Variants in IRF2BP2 observed in about 807,000 individuals in gnomAD.
The protein encoded by IRF2BP2 is interferon regulatory factor 2 binding protein 2, also known as interferon regulatory factor 2-binding protein 2.
Under a neutral mutation model 32.7 loss-of-function variants are expected in IRF2BP2, and 13 were observed. That is an observed-to-expected ratio of 0.40 (90% CI 0.26 to 0.63). The LOEUF (loss-of-function observed/expected upper bound fraction) is 0.63, where lower values mean the gene tolerates loss of function less well. Ranked by LOEUF, IRF2BP2 falls within the 30% of genes least tolerant of loss-of-function variation. IRF2BP2 has a pLI of 0.42. For synonymous variants in IRF2BP2, 555 were observed against 384.6 expected, an observed-to-expected ratio of 1.44 and a Z score of -5.18; for missense variants, 980 against 830.6, an observed-to-expected ratio of 1.18 and a Z score of -2.21.
At position 234,609,544 on chromosome 1, in the gene IRF2BP2, G is replaced by A. The variant is rs1280564157; in HGVS notation, c.-50C>T. The A allele has an allele frequency of 4.2e-6, 5 of 1,184,996 alleles. No homozygotes were observed. The East Asian group carries it at 9.7e-5, about 23-fold the overall frequency. 73.4% of individuals were successfully genotyped at this position (1,184,996 alleles called of 1,614,324 possible). On this transcript the variant is annotated 5_prime_UTR_variant, in exon 1 of 2. Transcript: ENST00000366609. ...GGAGGAGGCGGAGGAGGAGGAGGGG[G>A]CGCCGCCGCCGCCCCCCACCGGCAC... is the stretch of plus-strand genomic sequence containing the variant.
At position 234,609,521 on chromosome 1, in the gene IRF2BP2, A is replaced by AGGAGGC; in HGVS notation, c.-33_-28dup. On this transcript the variant is annotated 5_prime_UTR_variant, in exon 1 of 2. Transcript: ENST00000366609. ...TCCGAGGAGCCCGCGACGCCGGAGGAGGAGGCGGAGGAGGAGGAGGGGGCG... is the reference window on the plus strand; with the variant it reads ...TCCGAGGAGCCCGCGACGCCGGAGGAGGAGGCGGAGGCGGAGGAGGAGGAGGGGGCG... 7.2e-7 allele frequency: 1 copy of AGGAGGC among 1,381,850 alleles called. No individual in the cohort carries two copies. The highest frequency in any genetic ancestry group is 2.7e-5 in the Admixed American group (1 of 36,916). 85.6% of individuals were successfully genotyped at this position (1,381,850 alleles called of 1,614,324 possible).
At position 234,607,441 on chromosome 1, in the gene IRF2BP2, G is replaced by T; in HGVS notation, c.1460C>A (p.Pro487Gln). ...GTCCGGGAGGCTGGCAGGGTGCACT[G>T]GCTCCAGTCCTCCTGTGTTGCCTGC... ...QGAGNTGGLEPVHPASLPDSS... is the reference protein window; with the variant it reads ...QGAGNTGGLEQVHPASLPDSS... Residue 487 changes from proline to glutamine, a missense_variant, in exon 2 of 2, where the codon CCA becomes CAA. Physicochemically the swap from Pro to Gln is moderately conservative, Grantham distance 76. Coordinates refer to ENST00000366609, the MANE Select transcript of IRF2BP2 (RefSeq NM_182972.3). 1 of 1,614,106 alleles carries T rather than the reference G, an allele frequency of 6.2e-7. No homozygotes were observed.
Position 234,608,673 on chromosome 1 carries a change from G to T in IRF2BP2, c.822C>A (p.Ser274=), listed in dbSNP as rs905049425. 1 of 1,520,834 alleles carries T rather than the reference G, an allele frequency of 6.6e-7. No individual in the cohort carries two copies. The highest frequency in any genetic ancestry group is 8.7e-7 in the Non-Finnish European group (1 of 1,144,750). The allele number at this position is 1,520,834 out of a possible 1,614,324, so 94.2% of individuals were successfully genotyped here. ...PAHRGPADSL[S]TAAGAAELSA... ...TCAGCTCGGCGGCCCCGGCCGCGGTGGACAGGCTGTCGGCCGGGCCCCGGT... is the reference window on the plus strand; with the variant it reads ...TCAGCTCGGCGGCCCCGGCCGCGGTTGACAGGCTGTCGGCCGGGCCCCGGT... Residue 274 remains serine, a synonymous_variant, in exon 1 of 2, where the codon TCC becomes TCA. Transcript: ENST00000366609.
rs752845738 is a variant in IRF2BP2 at position 234,608,469 on chromosome 1, G to C, written c.1026C>G (p.Asn342Lys). 6.3e-7 allele frequency: 1 copy of C among 1,591,316 alleles called. No homozygotes were observed. Among genetic ancestry groups the C allele is most frequent in the South Asian group, 1.1e-5 (1 of 88,016 alleles). ...TACCTGCTTTAGACCCGTTGGCCCC[G>C]TTGGCCTCGAAACCCAACAACCTGC... Reference protein sequence around the residue: ...TAGRLLGFEANGANGSKAVAR... With the variant: ...TAGRLLGFEAKGANGSKAVAR... The change falls in exon 1 of 2, where the codon AAC becomes AAG. Residue 342 changes from asparagine to lysine, a missense_variant. Transcript: ENST00000366609.
chr1:234,605,786 G>C lies in IRF2BP2; in HGVS notation c.*1351C>G, dbSNP rs1250899502. 1.3e-5 allele frequency: 2 copies of C among 152,244 alleles called. No homozygotes were observed. Among genetic ancestry groups the C allele is most frequent in the South Asian group, 2.1e-4 (1 of 4,824 alleles). 9.4% of individuals were successfully genotyped at this position (152,244 alleles called of 1,614,324 possible). On this transcript the variant is annotated 3_prime_UTR_variant, in exon 2 of 2. Coordinates refer to ENST00000366609, the MANE Select transcript of IRF2BP2 (RefSeq NM_182972.3). ...ATTTCTAATAATTGATGATTTATTG[G>C]TTTTAAAAAAATCATTTTACTGATG...
In IRF2BP2 at chr1:234,607,449, T is replaced by C. The variant is rs1571956768; in HGVS notation, c.1452A>G (p.Gly484=). The stretch of plus-strand genomic sequence containing the variant: ...GGCTGGCAGGGTGCACTGGCTCCAG[T>C]CCTCCTGTGTTGCCTGCTCCCTGGC... The part of the protein sequence containing the change: ...VGGQGAGNTG[G]LEPVHPASLP... The change falls in exon 2 of 2, where the codon GGA becomes GGG. Residue 484 remains glycine (G), a synonymous_variant. Transcript: ENST00000366609. The C allele has an allele frequency of 6.2e-7, 1 of 1,614,130 alleles. No homozygotes were observed. The highest frequency in any genetic ancestry group is 8.5e-7 in the Non-Finnish European group (1 of 1,179,994).
chr1:234,608,783 G>T lies in IRF2BP2; in HGVS notation c.712C>A (p.Pro238Thr), dbSNP rs528788036. Residue 238 changes from proline (P) to threonine (T), a missense_variant, in exon 1 of 2, where the codon CCG (proline) becomes ACG (threonine). By Grantham distance (38) the Pro-to-Thr change is conservative. Transcript: ENST00000366609. ...QPTDLGAHKRPASVSSSAAVE... is the reference protein window; with the variant it reads ...QPTDLGAHKRTASVSSSAAVE... Reference sequence around the variant, plus strand: ...GCAGCGCTGCTCGACACGGATGCCGGCCGCTTGTGGGCGCCCAGATCGGTG... The same window carrying T: ...GCAGCGCTGCTCGACACGGATGCCGTCCGCTTGTGGGCGCCCAGATCGGTG... 7.0e-4 allele frequency: 1,005 copies of T among 1,441,850 alleles called. 9 individuals carry two copies. In the South Asian group the frequency reaches 0.01, roughly 15 times the overall value. 89.3% of individuals were successfully genotyped at this position (1,441,850 alleles called of 1,614,324 possible).
chr1:234,607,902 A>G, intron 1 of IRF2BP2, 50 bp from the exon 2 acceptor site: 1 of 1,373,818 alleles, frequency 7.3e-7, no homozygotes, highest in Non-Finnish European at 9.9e-7. Flanking sequence ...GTGGCGGTGC[A>G]CTGAAAGAGA....
chr1:234,609,023 C>T lies in IRF2BP2; in HGVS notation c.472G>A (p.Val158Met). 2.3e-6 allele frequency: 3 copies of T among 1,324,298 alleles called. No homozygotes were observed. Among genetic ancestry groups the T allele is most frequent in the Non-Finnish European group, 2.9e-6 (3 of 1,040,324 alleles). 82.0% of individuals were successfully genotyped at this position (1,324,298 alleles called of 1,614,324 possible). The part of the protein sequence containing the change: ...PQPPPVNGIL[V>M]PNGFSKLEEP... ...TCTAGCTTGGAGAAGCCGTTGGGCA[C>T]CAGGATGCCGTTCACGGGCGGCGGC... The change falls in exon 1 of 2, where the codon GTG becomes ATG. Residue 158 changes from valine (V) to methionine (M), a missense_variant. Coordinates refer to ENST00000366609, the MANE Select transcript of IRF2BP2 (RefSeq NM_182972.3).
chr1:234,607,132 A>G lies in IRF2BP2; in HGVS notation c.*5T>C, dbSNP rs377533201. On this transcript the variant is annotated 3_prime_UTR_variant, in exon 2 of 2. Transcript: ENST00000366609. ...AATCATTGGGTTTTTCTGAAACCGG[A>G]AAAGTCACGAGTCTCTCTCTTTTTT... 1.2e-6 allele frequency: 2 copies of G among 1,601,154 alleles called. No homozygotes were observed. The highest frequency in any genetic ancestry group is 8.5e-7 in the Non-Finnish European group (1 of 1,171,254).
At chr1:234,608,282 A>G (rs578039224) in intron 1 of IRF2BP2, among the ~76,000 whole-genome samples, 165 bp downstream of exon 1, 2 of 152,370 alleles carry the variant, frequency 1.3e-5, no homozygotes, top group Admixed American at 1.3e-4. Context: ...GCTTCAGCAC[A>G]TGAACACGTT....
chr1:234,605,487 C>T lies in IRF2BP2; in HGVS notation c.*1650G>A, dbSNP rs2102766789. ...GTATCTGATTTTCAAGTGTTAGTAA[C>T]TTGACCATTAAAAAATAGTTTTGAA... On this transcript the variant is annotated 3_prime_UTR_variant, in exon 2 of 2. Transcript: ENST00000366609. 6.6e-6 allele frequency: 1 copy of T among 152,322 alleles called. No individual in the cohort carries two copies. Among genetic ancestry groups the T allele is most frequent in the Middle Eastern group, 3.4e-3 (1 of 294 alleles). The allele number at this position is 152,322 out of a possible 1,614,324, so 9.4% of individuals were successfully genotyped here. A position where few individuals can be genotyped will look rare whatever the true frequency, so the allele number is the denominator to read the frequency against.
rs1218581088 is a variant in IRF2BP2 at position 234,609,747 on chromosome 1, C to T, written c.-253G>A. On this transcript the variant is annotated 5_prime_UTR_variant, in exon 1 of 2. Coordinates refer to ENST00000366609, the MANE Select transcript of IRF2BP2 (RefSeq NM_182972.3). Reference sequence around the variant, plus strand: ...GCTGCAGCCGCGGCAGCAGTTCCCCCCGGCCGGCCCGGGCACGGGCGGGCG... The same window carrying T: ...GCTGCAGCCGCGGCAGCAGTTCCCCTCGGCCGGCCCGGGCACGGGCGGGCG... Among the ~76,000 whole-genome samples, 1 of 144,722 alleles carries T rather than the reference C, an allele frequency of 6.9e-6. No homozygotes were observed. Among genetic ancestry groups the T allele is most frequent in the South Asian group, 2.1e-4 (1 of 4,768 alleles). The allele number at this position is 144,722 out of a possible 152,430, so 94.9% of individuals were successfully genotyped here. A position where few individuals can be genotyped will look rare whatever the true frequency, so the allele number is the denominator to read the frequency against.
chr1:234,609,502 G>C lies in IRF2BP2; in HGVS notation c.-8C>G, dbSNP rs1167480267. ...CGCCACCGCCGCGGCCATGTCCGAG[G>C]AGCCCGCGACGCCGGAGGAGGAGGC... is the stretch of plus-strand genomic sequence containing the variant. On this transcript the variant is annotated 5_prime_UTR_variant, in exon 1 of 2. Transcript: ENST00000366609. 4 of 1,467,816 alleles carry C rather than the reference G, an allele frequency of 2.7e-6. No individual in the cohort carries two copies. The highest frequency in any genetic ancestry group is 2.7e-6 in the Non-Finnish European group (3 of 1,105,684). 90.9% of individuals were successfully genotyped at this position (1,467,816 alleles called of 1,614,324 possible).
At position 234,607,402 on chromosome 1, in the gene IRF2BP2, G is replaced by A; in HGVS notation, c.1499C>T (p.Thr500Ile). 6.2e-7 allele frequency: 1 copy of A among 1,614,114 alleles called. No individual in the cohort carries two copies. The highest frequency in any genetic ancestry group is 8.5e-7 in the Non-Finnish European group (1 of 1,179,970). Reference sequence around the variant, plus strand: ...GAGGGTGCAGCACAGCGGGGCACTGGTTGCCAGAGAGGAGTCCGGGAGGCT... The same window carrying A: ...GAGGGTGCAGCACAGCGGGGCACTGATTGCCAGAGAGGAGTCCGGGAGGCT... ...PASLPDSSLA[T>I]SAPLCCTLCH... is the part of the protein sequence containing the mutation. The change falls in exon 2 of 2, where the codon ACC becomes ATC. Residue 500 changes from threonine (T) to isoleucine (I), a missense_variant. Transcript: ENST00000366609.
rs751979599 is a variant in IRF2BP2, at chr1:234,607,416, G to A, written c.1485C>T (p.Asp495=). Residue 495 remains aspartate, a synonymous_variant, in exon 2 of 2, where the codon GAC becomes GAT. Transcript: ENST00000366609. ...LEPVHPASLP[D]SSLATSAPLC... ...GCGGGGCACTGGTTGCCAGAGAGGA[G>A]TCCGGGAGGCTGGCAGGGTGCACTG... The A allele has an allele frequency of 5.0e-6, 8 of 1,613,836 alleles. No homozygotes were observed. Among genetic ancestry groups the A allele is most frequent in the East Asian group, 2.2e-5 (1 of 44,904 alleles).
intron 1 of IRF2BP2, 73 bp from the exon 2 acceptor site, chr1:234,607,925 T>C (rs1672210957): frequency 1.7e-6 from 2 of 1,208,012 alleles, no homozygotes. Context: ...ATTCTCTTCC[T>C]AACCCGAAAC....
rs140530183 is a variant in IRF2BP2 at position 234,606,968 on chromosome 1, CAAAA to C, written c.*165_*168del. 1.8e-6 allele frequency: 1 copy of C among 563,096 alleles called. No homozygotes were observed. The highest frequency in any genetic ancestry group is 2.9e-5 in the East Asian group (1 of 34,454). The allele number at this position is 563,096 out of a possible 1,614,324, so 34.9% of individuals were successfully genotyped here. A position where few individuals can be genotyped will look rare whatever the true frequency, so the allele number is the denominator to read the frequency against. On this transcript the variant is annotated 3_prime_UTR_variant, in exon 2 of 2. Coordinates refer to ENST00000366609, the MANE Select transcript of IRF2BP2 (RefSeq NM_182972.3). ...TTTATAAGTACATACCTTTTGTCGT[CAAAA>C]AAAATATAGAAACACAATGTATTCA...
In IRF2BP2 at chr1:234,604,659, A is replaced by G. The variant is rs562576383; in HGVS notation, c.*2478T>C. 13 of 152,214 alleles carry G rather than the reference A, an allele frequency of 8.5e-5. No individual in the cohort carries two copies. Among genetic ancestry groups the G allele is most frequent in the Admixed American group, 3.3e-4 (5 of 15,280 alleles). 9.4% of individuals were successfully genotyped at this position (152,214 alleles called of 1,614,324 possible). A position where few individuals can be genotyped will look rare whatever the true frequency, so the allele number is the denominator to read the frequency against. ...GGAAAGCTTCAACACCCCATCCCCTAATATTTTGAGTATTAAAAGCACAGC... is the reference window on the plus strand; with the variant it reads ...GGAAAGCTTCAACACCCCATCCCCTGATATTTTGAGTATTAAAAGCACAGC... On this transcript the variant is annotated 3_prime_UTR_variant, in exon 2 of 2. Transcript: ENST00000366609.
Sources: gnomAD v4.1 joint callset for allele counts (sites outside exome capture counted in the v4.1 genomes callset) on GRCh38, gnomAD v4.1.1 for gene constraint, MANE v1.5 for transcripts, NCBI Gene and HGNC (gene_info 2026-07-23, HGNC 2026-07-21) for gene names.